The following CSMD1 variants were observed in gnomAD, a reference collection of about 807,000 sequenced individuals.
CSMD1 encodes the protein CUB and sushi domain-containing protein 1.
CSMD1 carries 213 observed loss-of-function variants against 417.5 expected under a neutral mutation model. That is an observed-to-expected ratio of 0.51 (90% CI 0.46 to 0.57). CSMD1 has a LOEUF of 0.57. CSMD1 is among the 20% of genes least tolerant of loss of function. The pLI is 0.00. For synonymous variants in CSMD1, 2,862 were observed against 1,736.8 expected (o/e 1.65, Z -16.11); for missense variants, 6,923 against 4,529.7 (o/e 1.53, Z -15.17).
chr8:4,932,507 T>A (rs1312754589), intron 1 of CSMD1, among the ~76,000 whole-genome samples: 1 of 152,194 alleles, frequency 6.6e-6, no homozygotes, highest in African/African-American at 2.4e-5. Flanking sequence ...TAAAATGAGA[T>A]ATAAATGAAC....
chr8:4,991,598 G>C lies in CSMD1; in HGVS notation c.85+2734C>G, dbSNP rs528728864. Among the ~76,000 whole-genome samples the C allele has an allele frequency of 7.2e-5, 11 of 152,238 alleles. No individual in the cohort carries two copies. In the East Asian group the frequency reaches 2.1e-3, roughly 30 times the overall value. ...GCAGTGGCCGGGCGCCCTCCTGCCG[G>C]AGCGCTCCTCCCCGGGAAAGCCCTG... On this transcript the variant is annotated intron_variant, in intron 1 of 69. Transcript: ENST00000635120.
intron 10 of CSMD1, among the ~76,000 whole-genome samples, chr8:3,515,737 T>A (rs1014859549): frequency 6.6e-6 from 1 of 152,188 alleles, no homozygotes; most frequent in Non-Finnish European, 1.5e-5. Context: ...TTAATTCAGG[T>A]GTATGCCTTC....
intron 3 of CSMD1, among the ~76,000 whole-genome samples, chr8:4,163,182 C>T (rs1360298903): frequency 6.6e-6 from 1 of 152,128 alleles, no homozygotes; most frequent in African/African-American, 2.4e-5. Flanking sequence ...AAGAATAAAC[C>T]TTCTAAAAAC....
rs185052654 is a variant in CSMD1, at chr8:3,332,949, G to T, written c.3631+10345C>A. 7.9e-5 allele frequency among the ~76,000 whole-genome samples: 12 copies of T among 152,338 alleles called. No homozygotes were observed. In the East Asian group the frequency reaches 2.3e-3, roughly 29 times the overall value. On this transcript the variant is annotated intron_variant, in intron 23 of 69. Coordinates refer to ENST00000635120, the MANE Select transcript of CSMD1 (RefSeq NM_033225.6). ...GTTCTGTCGATGCTGAGTTTGTCAA[G>T]ATACGGAGCCTGACTCAATCCAGGG...
chr8:4,953,926 T>C (rs893448988), intron 1 of CSMD1, among the ~76,000 whole-genome samples: 11 of 152,098 alleles, frequency 7.2e-5, no homozygotes, highest in African/African-American at 2.7e-4. Context: ...TTTTGATGTT[T>C]AAAAAGCTCT....
At chr8:4,511,093 G>C (rs1380310898) in intron 2 of CSMD1, among the ~76,000 whole-genome samples, 1 of 152,060 alleles carries the variant, frequency 6.6e-6, no homozygotes, top group Non-Finnish European at 1.5e-5. Context: ...GCACTCTCCT[G>C]TTCAATTCCA....
intron 5 of CSMD1, among the ~76,000 whole-genome samples, chr8:3,788,583 T>C (rs1234231487): frequency 6.6e-6 from 1 of 152,226 alleles, no homozygotes; most frequent in Non-Finnish European, 1.5e-5. Context: ...CATTAAATCT[T>C]ACCAAAGGTG....
intron 12 of CSMD1, among the ~76,000 whole-genome samples, chr8:3,453,246 G>A (rs147253060): frequency 0.03 from 4,539 of 151,644 alleles, 127 homozygotes; most frequent in East Asian, 0.12. Flanking sequence ...CAATTTTGTT[G>A]ATCTTTTCAA....
intron 3 of CSMD1, among the ~76,000 whole-genome samples, chr8:4,038,722 G>C (rs552431488): frequency 6.6e-6 from 1 of 152,118 alleles, no homozygotes; most frequent in African/African-American, 2.4e-5. Context: ...ACTTATTTAG[G>C]TGATGGGAAT....
chr8:4,002,671 G>A (rs1403362349), intron 4 of CSMD1, among the ~76,000 whole-genome samples: 2 of 152,236 alleles, frequency 1.3e-5, no homozygotes, highest in Non-Finnish European at 1.5e-5. Context: ...TGACAGAAAT[G>A]GGAACCATTA....
intron 14 of CSMD1, among the ~76,000 whole-genome samples, chr8:3,406,846 G>T (rs955688238): frequency 2.0e-5 from 3 of 152,168 alleles, no homozygotes; most frequent in Non-Finnish European, 4.4e-5. Context: ...TTAAAATGAG[G>T]AGCCTAAAGC....
chr8:3,914,744 A>G lies in CSMD1; in HGVS notation c.818+83159T>C, dbSNP rs1389319507. 4.0e-5 allele frequency among the ~76,000 whole-genome samples: 6 copies of G among 151,874 alleles called. No homozygotes were observed. In the South Asian group the frequency reaches 1.2e-3, roughly 32 times the overall value. On this transcript the variant is annotated intron_variant, in intron 5 of 69. Transcript: ENST00000635120. The stretch of plus-strand genomic sequence containing the variant: ...CCCTTTTTTTTTCAGATCCTTTGAC[A>G]TGTATCTGTCTTTGCTCATTCTTCA...
intron 5 of CSMD1, among the ~76,000 whole-genome samples, chr8:3,768,061 G>C (rs1367921675): frequency 6.6e-6 from 1 of 152,118 alleles, no homozygotes; most frequent in Non-Finnish European, 1.5e-5. Flanking sequence ...CCCGAGTATA[G>C]ACAGCTACGG....
At chr8:3,057,624 A>C (rs1247587941) in intron 49 of CSMD1, among the ~76,000 whole-genome samples, 1 of 152,144 alleles carries the variant, frequency 6.6e-6, no homozygotes, top group Non-Finnish European at 1.5e-5. Context: ...ATTAGATACA[A>C]ACGTTATTCG....
chr8:4,440,423 C>G (rs1563175342), intron 2 of CSMD1, among the ~76,000 whole-genome samples: 2 of 152,012 alleles, frequency 1.3e-5, no homozygotes, highest in African/African-American at 4.8e-5. Context: ...TCTAATTATC[C>G]CTTTTCCCCC....
intron 3 of CSMD1, among the ~76,000 whole-genome samples, chr8:4,308,310 T>C (rs897739002): frequency 1.3e-5 from 2 of 151,902 alleles, no homozygotes; most frequent in East Asian, 1.9e-4. Context: ...GAAGTGTATG[T>C]GTGGGGTGGT....
At chr8:3,607,737 T>G (rs1200670740) in intron 8 of CSMD1, among the ~76,000 whole-genome samples, 1 of 152,248 alleles carries the variant, frequency 6.6e-6, no homozygotes, top group African/African-American at 2.4e-5. Flanking sequence ...TCAGTCGGTT[T>G]TGCCTATTAA....
At chr8:4,812,075 C>T (rs1450840865) in intron 1 of CSMD1, among the ~76,000 whole-genome samples, 2 of 152,176 alleles carry the variant, frequency 1.3e-5, no homozygotes, top group Admixed American at 1.3e-4. Context: ...TTGGCTTTGA[C>T]ATCATCGAAA....
chr8:4,553,299 T>C (rs1044515540), intron 2 of CSMD1, among the ~76,000 whole-genome samples: 10 of 152,204 alleles, frequency 6.6e-5, no homozygotes, highest in Non-Finnish European at 1.3e-4. Context: ...AGATTTCATA[T>C]ATCAGCTCTG....
Sources: gnomAD v4.1 joint callset for allele counts (sites outside exome capture counted in the v4.1 genomes callset) on GRCh38, gnomAD v4.1.1 for gene constraint, MANE v1.5 for transcripts, NCBI Gene and HGNC (gene_info 2026-07-23, HGNC 2026-07-21) for gene names.